The following DLG2 variants were observed in gnomAD, a reference collection of about 807,000 sequenced individuals.
DLG2 encodes discs large MAGUK scaffold protein 2.
A neutral mutation model predicts 132.5 loss-of-function variants in DLG2; 45 were observed. The observed-to-expected ratio is 0.34, with a 90% CI of 0.27 to 0.44. The LOEUF is 0.44. Among genes scored for constraint, DLG2 ranks in the 20% least tolerant of loss-of-function variants. The pLI, the probability that DLG2 is intolerant of heterozygous loss-of-function variation, is 1.00. For synonymous variants in DLG2, 424 were observed against 419.6 expected (o/e 1.01, Z -0.13); for missense variants, 1,045 against 1,196.9 (o/e 0.87, Z 1.87).
intron 18 of DLG2, among the ~76,000 whole-genome samples, chr11:83,759,937 G>T (rs114933347): frequency 6.6e-6 from 1 of 152,276 alleles, no homozygotes; most frequent in African/African-American, 2.4e-5. Flanking sequence ...ACGGAATCTT[G>T]AAGCTCCCGA....
At chr11:85,398,055 G>A (rs368491688) in intron 3 of DLG2, among the ~76,000 whole-genome samples, 3 of 152,134 alleles carry the variant, frequency 2.0e-5, no homozygotes, top group African/African-American at 7.2e-5. Context: ...AAATGTAAAA[G>A]AACAGAAATC....
chr11:83,559,231 T>G (rs1565799730), intron 19 of DLG2, among the ~76,000 whole-genome samples: 1 of 152,078 alleles, frequency 6.6e-6, no homozygotes, highest in Non-Finnish European at 1.5e-5. Context: ...TTGTACAGAA[T>G]CTCTGGAGTC....
chr11:84,647,042 C>T (rs2099675826), intron 6 of DLG2, among the ~76,000 whole-genome samples: 1 of 151,792 alleles, frequency 6.6e-6, no homozygotes, highest in South Asian at 2.1e-4. Context: ...TTTATAAATG[C>T]TAGAAGCATT....
rs189257783 is a variant in DLG2, at chr11:84,480,688, T to A, written c.519+53882A>T. ...GAGACTGAAATATTTATCTAGTCTC[T>A]TTGGCCCATCAGTATTCGTTTTTTG... On this transcript the variant is annotated intron_variant, in intron 7 of 27. Coordinates refer to ENST00000376104, the MANE Select transcript of DLG2 (RefSeq NM_001142699.3). 1.3e-5 allele frequency among the ~76,000 whole-genome samples: 2 copies of A among 152,068 alleles called. 1 individual carries two copies. The highest frequency in any genetic ancestry group is 2.9e-5 in the Non-Finnish European group (2 of 67,968).
intron 3 of DLG2, among the ~76,000 whole-genome samples, chr11:85,535,412 C>T (rs1029264201): frequency 2.6e-5 from 4 of 151,810 alleles, no homozygotes; most frequent in East Asian, 1.9e-4. Context: ...AATGTCAGTG[C>T]GTAGCAGTTT....
In DLG2 at chr11:84,120,259, G is replaced by C. The variant is rs972297372; in HGVS notation, c.625-21212C>G. Among the ~76,000 whole-genome samples the C allele has an allele frequency of 5.3e-5, 8 of 152,114 alleles. No homozygotes were observed. In the East Asian group the frequency reaches 1.5e-3, roughly 29 times the overall value. On this transcript the variant is annotated intron_variant, in intron 9 of 27. Coordinates refer to ENST00000376104, the MANE Select transcript of DLG2 (RefSeq NM_001142699.3). ...CATGTTAAAAGGTATTTACATACCA[G>C]TATGCAACCTGAAAATAGATAAACT...
rs1491550487 is a variant in DLG2 at position 84,502,204 on chromosome 11, T to TCTCTC, written c.519+32365_519+32366insGAGAG. Among the ~76,000 whole-genome samples the TCTCTC allele has an allele frequency of 5.7e-3, 30 of 5,268 alleles. 6 individuals are homozygous for TCTCTC. The highest frequency in any genetic ancestry group is 8.2e-3 in the Non-Finnish European group (25 of 3,056). The allele number at this position is 5,268 out of a possible 152,430, so 3.5% of individuals were successfully genotyped here. A position where few individuals can be genotyped will look rare whatever the true frequency, so the allele number is the denominator to read the frequency against. ...TCTCTCTTTCTCTCTCTCTCTCTCC[T>TCTCTC]TCCTTCCTTCCTTCCTTCCTTCCTT... On this transcript the variant is annotated intron_variant, in intron 7 of 27. Coordinates refer to ENST00000376104, the MANE Select transcript of DLG2 (RefSeq NM_001142699.3).
At chr11:84,762,113 ACAT>A (rs1342816654) in intron 6 of DLG2, 3 of 152,148 alleles carry the variant, frequency 2.0e-5, no homozygotes, top group Non-Finnish European at 2.9e-5. Flanking sequence ...ATTTATAGAA[ACAT>A]CATATTTGAA....
intron 7 of DLG2, among the ~76,000 whole-genome samples, chr11:84,476,735 T>C (rs1233592137): frequency 2.0e-5 from 3 of 152,184 alleles, no homozygotes; most frequent in Non-Finnish European, 4.4e-5. Context: ...AGAAGCCATG[T>C]GTAGCTGTTC....
chr11:85,466,069 T>G (rs547187803), intron 3 of DLG2, among the ~76,000 whole-genome samples: 2 of 152,364 alleles, frequency 1.3e-5, no homozygotes, highest in Admixed American at 6.5e-5. Context: ...ATGATGAGCA[T>G]GTTTTCATGT....
chr11:84,390,007 A>T (rs2098786596), intron 7 of DLG2, among the ~76,000 whole-genome samples: 1 of 152,202 alleles, frequency 6.6e-6, no homozygotes, highest in African/African-American at 2.4e-5. Flanking sequence ...ATGAATATTC[A>T]GTTTGATACA....
chr11:85,555,121 G>T (rs1196762840), intron 3 of DLG2, among the ~76,000 whole-genome samples: 1 of 151,826 alleles, frequency 6.6e-6, no homozygotes, highest in Non-Finnish European at 1.5e-5. Context: ...ACTGTCTCAA[G>T]TGCATTGGGT....
chr11:85,537,778 T>A (rs2075694991), intron 3 of DLG2, among the ~76,000 whole-genome samples: 1 of 151,814 alleles, frequency 6.6e-6, no homozygotes, highest in African/African-American at 2.4e-5. Flanking sequence ...TCTGGACACA[T>A]CTGAACATCT....
At chr11:85,191,893 T>C (rs1245548424) in intron 4 of DLG2, among the ~76,000 whole-genome samples, 1 of 152,220 alleles carries the variant, frequency 6.6e-6, no homozygotes, top group East Asian at 1.9e-4. Context: ...ATTATTTTCA[T>C]ATTATCCTGG....
intron 3 of DLG2, among the ~76,000 whole-genome samples, chr11:85,556,775 T>C (rs2076960900): frequency 6.6e-6 from 1 of 151,790 alleles, no homozygotes; most frequent in Non-Finnish European, 1.5e-5. Context: ...AATCTCACAG[T>C]AGAGCCTACA....
intron 6 of DLG2, among the ~76,000 whole-genome samples, chr11:84,747,337 C>G (rs1489137997): frequency 1.3e-5 from 2 of 151,992 alleles, no homozygotes; most frequent in Non-Finnish European, 2.9e-5. Flanking sequence ...TATACATAAT[C>G]AGATTGAAAT....
intron 6 of DLG2, among the ~76,000 whole-genome samples, chr11:85,086,072 T>C (rs1024450733): frequency 3.9e-5 from 6 of 152,152 alleles, no homozygotes; most frequent in Non-Finnish European, 8.8e-5. Flanking sequence ...ATAGAAGATA[T>C]ACACTTAATC....
intron 7 of DLG2, among the ~76,000 whole-genome samples, chr11:84,529,056 C>T (rs140204797): frequency 3.9e-5 from 6 of 152,238 alleles, no homozygotes; most frequent in South Asian, 4.1e-4. Flanking sequence ...AACCTTAAAA[C>T]GGACTTTTTT....
intron 6 of DLG2, among the ~76,000 whole-genome samples, chr11:84,716,597 A>G (rs2061254010): frequency 1.3e-5 from 2 of 151,912 alleles, no homozygotes. Context: ...TGATAATGAC[A>G]TAAAAACTAC....
Sources: gnomAD v4.1 joint callset for allele counts (sites outside exome capture counted in the v4.1 genomes callset) on GRCh38, gnomAD v4.1.1 for gene constraint, MANE v1.5 for transcripts, NCBI Gene and HGNC (gene_info 2026-07-23, HGNC 2026-07-21) for gene names.